Variants in FAM222A observed in about 807,000 individuals in gnomAD.
The protein encoded by FAM222A is protein FAM222A.
A neutral mutation model predicts 25.8 loss-of-function variants in FAM222A; 7 were observed. The ratio of observed to expected loss-of-function variants is 0.27; its 90% confidence interval spans 0.15 to 0.51. The LOEUF (loss-of-function observed/expected upper bound fraction) is 0.51. Ranked by LOEUF, FAM222A falls within the 20% of genes least tolerant of loss-of-function variation. FAM222A has a pLI of 0.97. For missense variants in FAM222A, 573 were observed against 640.5 expected (o/e 0.89, Z 1.14); for synonymous variants, 294 against 298.8 (o/e 0.98, Z 0.17).
chr12:109,717,287 A>G (rs1887663146), intron 1 of FAM222A, among the ~76,000 whole-genome samples: 2 of 152,194 alleles, frequency 1.3e-5, no homozygotes. Flanking sequence ...TTTCTCCAGC[A>G]CTAGGGGAAA....
chr12:109,733,464 TGTG>T (rs1383812167), intron 1 of FAM222A, among the ~76,000 whole-genome samples: 1 of 151,902 alleles, frequency 6.6e-6, no homozygotes, highest in Non-Finnish European at 1.5e-5. Flanking sequence ...TGCAGTGGCG[TGTG>T]ATCTCAGCTC....
intron 1 of FAM222A, among the ~76,000 whole-genome samples, chr12:109,741,876 A>T (rs1334523347): frequency 6.6e-6 from 1 of 152,184 alleles, no homozygotes; most frequent in African/African-American, 2.4e-5. Flanking sequence ...AGCCAAGCTC[A>T]GTGGTGAGGG....
chr12:109,768,488 C>A lies in FAM222A; in HGVS notation c.559C>A (p.Arg187=). The part of the protein sequence containing the change: ...TAASVIPLPG[R]GLPLPPSNLP... The stretch of plus-strand genomic sequence containing the variant: ...CGCCTCCGTCATCCCCCTGCCGGGC[C>A]GGGGCCTGCCCCTGCCACCTTCCAA... Residue 187 remains arginine, a synonymous_variant, in exon 3 of 3, where the codon CGG becomes AGG. Transcript: ENST00000538780. 4 of 1,604,404 alleles carry A rather than the reference C, an allele frequency of 2.5e-6. No individual in the cohort carries two copies. The highest frequency in any genetic ancestry group is 3.4e-6 in the Non-Finnish European group (4 of 1,178,846).
intron 2 of FAM222A, among the ~76,000 whole-genome samples, chr12:109,760,062 T>G (rs927657805): frequency 2.6e-5 from 4 of 152,108 alleles, no homozygotes; most frequent in African/African-American, 9.7e-5. Context: ...AGGCAACCCC[T>G]CTTACTGCAT....
rs1214253002 is a variant in FAM222A, at chr12:109,728,856, G to A, written c.-47+13959G>A. Among the ~76,000 whole-genome samples, 7 of 152,140 alleles carry A rather than the reference G, an allele frequency of 4.6e-5. No homozygotes were observed. In the East Asian group the frequency reaches 1.2e-3, roughly 25 times the overall value. On this transcript the variant is annotated intron_variant, in intron 1 of 2. Coordinates refer to ENST00000538780, the MANE Select transcript of FAM222A (RefSeq NM_032829.3). The stretch of plus-strand genomic sequence containing the variant: ...CCAAGGATGGAATCAAGTGCGGGAC[G>A]CCCACAGAGCAGGGAGCTCCCGTTC...
intron 1 of FAM222A, among the ~76,000 whole-genome samples, chr12:109,725,757 A>G (rs1187546039): frequency 6.6e-6 from 1 of 151,880 alleles, no homozygotes; most frequent in Non-Finnish European, 1.5e-5. Flanking sequence ...GTAAACGCTC[A>G]CAATTAATGC....
Position 109,769,027 on chromosome 12 carries a change from G to A in FAM222A, c.1098G>A (p.Ala366=), listed in dbSNP as rs200155954. 136 of 1,583,038 alleles carry A rather than the reference G, an allele frequency of 8.6e-5. No homozygotes were observed. In the Admixed American group the frequency reaches 1.3e-3, roughly 15 times the overall value. The change falls in exon 3 of 3, where the codon GCG becomes GCA. Residue 366 remains alanine (A), a synonymous_variant. Coordinates refer to ENST00000538780, the MANE Select transcript of FAM222A (RefSeq NM_032829.3). The part of the protein sequence containing the change: ...PTSDCYNPAA[A]VVVTELGPGA... ...GCGACTGCTACAACCCAGCGGCGGCGGTGGTGGTCACGGAGCTGGGGCCGG... is the reference window on the plus strand; with the variant it reads ...GCGACTGCTACAACCCAGCGGCGGCAGTGGTGGTCACGGAGCTGGGGCCGG...
At chr12:109,735,478 T>C (rs1247652798) in intron 1 of FAM222A, 1 of 152,254 alleles carries the variant, frequency 6.6e-6, no homozygotes, top group Non-Finnish European at 1.5e-5. Context: ...ATTAGATTTT[T>C]CTCCTTCCCC....
At chr12:109,754,709 C>A (rs1474865497) in intron 2 of FAM222A, among the ~76,000 whole-genome samples, 1 of 151,852 alleles carries the variant, frequency 6.6e-6, no homozygotes, top group Non-Finnish European at 1.5e-5. Context: ...GCTCTGTTAC[C>A]CTGACTGGTG....
chr12:109,721,323 A>G (rs560075847), intron 1 of FAM222A, among the ~76,000 whole-genome samples: 1 of 152,244 alleles, frequency 6.6e-6, no homozygotes, highest in East Asian at 1.9e-4. Context: ...TGTCTCCTTT[A>G]TGAGCTTCAC....
intron 1 of FAM222A, among the ~76,000 whole-genome samples, chr12:109,739,965 C>G (rs1004476531): frequency 2.6e-5 from 4 of 152,236 alleles, no homozygotes; most frequent in African/African-American, 9.6e-5. Flanking sequence ...GCATGTTGCT[C>G]TTTCAGAGCT....
At chr12:109,723,816 T>C (rs1283153853) in intron 1 of FAM222A, among the ~76,000 whole-genome samples, 3 of 152,186 alleles carry the variant, frequency 2.0e-5, no homozygotes, top group African/African-American at 7.2e-5. Flanking sequence ...TTCCTGTCAG[T>C]GTGGAGCTCC....
chr12:109,767,107 CTG>C (rs1457803797), intron 2 of FAM222A, among the ~76,000 whole-genome samples: 18 of 127,688 alleles, frequency 1.4e-4, no homozygotes, highest in African/African-American at 5.5e-4. Context: ...CAAGGTCTTG[CTG>C]TGTCACCCAG....
intron 1 of FAM222A, among the ~76,000 whole-genome samples, chr12:109,743,336 T>C (rs1384849650): frequency 6.6e-6 from 1 of 152,294 alleles, no homozygotes; most frequent in African/African-American, 2.4e-5. Flanking sequence ...CAAGTGTCTG[T>C]GTGAATGTCA....
chr12:109,761,255 G>A (rs1019955943), intron 2 of FAM222A, among the ~76,000 whole-genome samples: 3 of 151,910 alleles, frequency 2.0e-5, no homozygotes, highest in Non-Finnish European at 4.4e-5. Flanking sequence ...CCAGGCCTCT[G>A]TGCTCTTCCC....
intron 2 of FAM222A, among the ~76,000 whole-genome samples, chr12:109,760,247 G>A (rs1390202380): frequency 2.6e-5 from 4 of 152,304 alleles, no homozygotes; most frequent in East Asian, 1.9e-4. Context: ...GCATAGGGGC[G>A]TGGGGCAGGG....
chr12:109,745,222 C>T (rs1192805714), intron 2 of FAM222A, among the ~76,000 whole-genome samples: 3 of 152,172 alleles, frequency 2.0e-5, no homozygotes, highest in East Asian at 1.9e-4. Context: ...TGTATGGAGA[C>T]GCATATTTTA....
intron 2 of FAM222A, among the ~76,000 whole-genome samples, chr12:109,760,709 C>T (rs1207241839): frequency 2.0e-5 from 3 of 152,178 alleles, no homozygotes; most frequent in Non-Finnish European, 2.9e-5. Context: ...TTCTGAAGCA[C>T]GGGGCTGCCA....
intron 1 of FAM222A, among the ~76,000 whole-genome samples, chr12:109,726,730 G>A (rs1318339222): frequency 6.6e-6 from 1 of 152,210 alleles, no homozygotes; most frequent in Admixed American, 6.5e-5. Context: ...AGCAGGTGCT[G>A]TTCCCGCTTC....
Sources: gnomAD v4.1 joint callset for allele counts (sites outside exome capture counted in the v4.1 genomes callset) on GRCh38, gnomAD v4.1.1 for gene constraint, MANE v1.5 for transcripts, NCBI Gene and HGNC (gene_info 2026-07-23, HGNC 2026-07-21) for gene names.